Variants in SYNE3 observed in about 807,000 individuals in gnomAD.
SYNE3 encodes spectrin repeat containing nuclear envelope family member 3, also known as nesprin-3.
Under a neutral mutation model 111.2 loss-of-function variants are expected in SYNE3, and 100 were observed. The ratio of observed to expected loss-of-function variants is 0.90; its 90% confidence interval spans 0.77 to 1.06. The LOEUF (loss-of-function observed/expected upper bound fraction) is 1.06. Among genes scored for constraint, SYNE3 ranks in the 50% least tolerant of loss-of-function variants. The pLI is 0.00. For missense variants in SYNE3, 1,160 were observed against 1,240.3 expected (o/e 0.94, Z 0.97); for synonymous variants, 547 against 533.9 (o/e 1.02, Z -0.34).
At chr14:95,419,263 C>CT (rs1328757100) in intron 17 of SYNE3, among the ~76,000 whole-genome samples, 1 of 152,170 alleles carries the variant, frequency 6.6e-6, no homozygotes, top group African/African-American at 2.4e-5. Context: ...CACCCAGACT[C>CT]TGTTACTCAA....
chr14:95,456,424 C>T (rs1359033486), intron 5 of SYNE3, among the ~76,000 whole-genome samples: 5 of 152,234 alleles, frequency 3.3e-5, no homozygotes, highest in South Asian at 2.1e-4. Context: ...ACCATTGCCA[C>T]GTGGGCTGGA....
intron 17 of SYNE3, among the ~76,000 whole-genome samples, chr14:95,425,355 C>T (rs746860824): frequency 6.6e-6 from 1 of 152,142 alleles, no homozygotes; most frequent in Non-Finnish European, 1.5e-5. Context: ...TGAAAGGCTG[C>T]ATAGTGTATG....
chr14:95,409,571 G>T lies in SYNE3; in HGVS notation c.*8255C>A, dbSNP rs901445293. The T allele has an allele frequency of 1.3e-5, 5 of 372,126 alleles. No individual in the cohort carries two copies. Among genetic ancestry groups the T allele is most frequent in the Non-Finnish European group, 2.6e-5 (5 of 189,466 alleles). 23.1% of individuals were successfully genotyped at this position (372,126 alleles called of 1,614,324 possible). A position where few individuals can be genotyped will look rare whatever the true frequency, so the allele number is the denominator to read the frequency against. ...GGATGATGTTACCATGACAACCGGAGAGCAGGTGCTGGGAGATGCTGAGTC... is the reference window on the plus strand; with the variant it reads ...GGATGATGTTACCATGACAACCGGATAGCAGGTGCTGGGAGATGCTGAGTC... On this transcript the variant is annotated 3_prime_UTR_variant, in exon 18 of 18. Coordinates refer to ENST00000682763, the MANE Select transcript of SYNE3 (RefSeq NM_152592.6).
chr14:95,480,054 A>AAAATAAAT (rs142586263), intron 1 of SYNE3, among the ~76,000 whole-genome samples: 190 of 152,136 alleles, frequency 1.2e-3, no homozygotes, highest in Non-Finnish European at 1.6e-3. Context: ...ATAGGATTAA[A>AAAATAAAT]AAATAAATAA....
chr14:95,461,387 C>A (rs1219117056), intron 4 of SYNE3, among the ~76,000 whole-genome samples: 3 of 152,330 alleles, frequency 2.0e-5, no homozygotes, highest in African/African-American at 7.2e-5. Context: ...CCCCTCCCCG[C>A]AGCCAGCCTG....
chr14:95,497,256 A>G (rs1890132207), intron 1 of SYNE3, among the ~76,000 whole-genome samples: 1 of 152,250 alleles, frequency 6.6e-6, no homozygotes, highest in Admixed American at 6.5e-5. Context: ...ATGTGGTCTT[A>G]GCCCAGTATA....
intron 1 of SYNE3, among the ~76,000 whole-genome samples, chr14:95,486,616 A>C (rs1380534024): frequency 1.3e-5 from 2 of 152,160 alleles, no homozygotes; most frequent in Admixed American, 6.5e-5. Context: ...AGTCCTCCTC[A>C]GCCCTAAACC....
At chr14:95,420,998 G>A (rs762361292) in intron 17 of SYNE3, among the ~76,000 whole-genome samples, 4 of 152,106 alleles carry the variant, frequency 2.6e-5, no homozygotes, top group East Asian at 1.9e-4. Context: ...AATAAGTCTC[G>A]CAAGATCTGA....
At chr14:95,423,243 G>A (rs1566954787) in intron 17 of SYNE3, among the ~76,000 whole-genome samples, 1 of 152,304 alleles carries the variant, frequency 6.6e-6, no homozygotes, top group South Asian at 2.1e-4. Context: ...GCCCATGGAT[G>A]TAATGATGGA....
Position 95,436,815 on chromosome 14 carries a change from C to A in SYNE3, c.2538+5G>T, listed in dbSNP as rs376157244. 3.1e-6 allele frequency: 5 copies of A among 1,613,828 alleles called. No homozygotes were observed. The highest frequency in any genetic ancestry group is 1.3e-5 in the African/African-American group (1 of 75,054). ...TGGATGAGGGACCTTTCCTGGGGAA[C>A]AGACCTGCAGCTTCGATTTTCTGGT... On this transcript the variant is annotated splice_donor_5th_base_variant and intron_variant, in intron 15 of 17. Transcript: ENST00000682763.
intron 1 of SYNE3, among the ~76,000 whole-genome samples, chr14:95,511,210 T>A (rs1890709146): frequency 6.6e-6 from 1 of 152,190 alleles, no homozygotes; most frequent in African/African-American, 2.4e-5. Context: ...ACTGCAGCAC[T>A]CAATTGTTTT....
intron 4 of SYNE3, among the ~76,000 whole-genome samples, chr14:95,464,566 G>T (rs1449826010): frequency 6.6e-6 from 1 of 152,212 alleles, no homozygotes; most frequent in Admixed American, 6.5e-5. Flanking sequence ...ATGGAGTTGG[G>T]GCCTATTGTA....
intron 4 of SYNE3, among the ~76,000 whole-genome samples, chr14:95,460,367 G>GTTTTTTTTTTT (rs548346693): frequency 8.9e-4 from 76 of 85,240 alleles, no homozygotes; most frequent in Non-Finnish European, 1.2e-3. Flanking sequence ...ACGATGCCTA[G>GTTTTTTTTTTT]TTTTTTTTTT....
intron 1 of SYNE3, among the ~76,000 whole-genome samples, chr14:95,514,697 G>C (rs149433244): frequency 2.6e-5 from 4 of 152,230 alleles, no homozygotes; most frequent in Admixed American, 6.5e-5. Flanking sequence ...AGCCAGGAAC[G>C]GGCTAAGGCA....
intron 13 of SYNE3, 45 bp from the exon 14 acceptor site, chr14:95,439,207 G>A: frequency 6.2e-7 from 1 of 1,608,526 alleles, no homozygotes; most frequent in Non-Finnish European, 8.5e-7. Context: ...ATGTGGTGGG[G>A]ACCCACCAGG....
At chr14:95,483,669 T>G (rs2139543861) in intron 1 of SYNE3, among the ~76,000 whole-genome samples, 1 of 152,096 alleles carries the variant, frequency 6.6e-6, no homozygotes, top group East Asian at 1.9e-4. Context: ...GCCCATGCAT[T>G]ATCTCATTTA....
At chr14:95,434,200 A>G (rs1013547532) in intron 15 of SYNE3, among the ~76,000 whole-genome samples, 17 of 152,054 alleles carry the variant, frequency 1.1e-4, no homozygotes, top group Admixed American at 9.2e-4. Flanking sequence ...AAAATATTTA[A>G]AGCATTTTAA....
intron 8 of SYNE3, among the ~76,000 whole-genome samples, chr14:95,447,894 T>C (rs960463925): frequency 2.0e-5 from 3 of 152,122 alleles, no homozygotes; most frequent in Admixed American, 1.3e-4. Context: ...ATAGTAGAAA[T>C]GGAAATAAAA....
At chr14:95,433,063 T>C (rs1325225570) in intron 16 of SYNE3, among the ~76,000 whole-genome samples, 197 bp downstream of exon 16, 1 of 152,112 alleles carries the variant, frequency 6.6e-6, no homozygotes, top group Non-Finnish European at 1.5e-5. Flanking sequence ...CATGAGGTGG[T>C]TGGATGGCCA....
Sources: allele counts gnomAD v4.1 joint callset (sites outside exome capture counted in the v4.1 genomes callset), GRCh38; gene constraint gnomAD v4.1.1; transcripts MANE v1.5; gene names NCBI Gene and HGNC (gene_info 2026-07-23, HGNC 2026-07-21).